Variants in FGF12 observed in about 807,000 individuals in gnomAD.
FGF12 encodes fibroblast growth factor 12, also known as fibroblast growth factor 12B.
FGF12 carries 14 observed loss-of-function variants against 23.6 expected under a neutral mutation model. That is an observed-to-expected ratio of 0.59 (90% CI 0.39 to 0.93). The LOEUF (loss-of-function observed/expected upper bound fraction) is 0.93, where lower values mean the gene tolerates loss of function less well. Ranked by LOEUF, FGF12 falls within the 40% of genes least tolerant of loss-of-function variation. The pLI is 0.00. For missense variants in FGF12, 175 were observed against 217.8 expected (o/e 0.80, Z 1.24); for synonymous variants, 62 against 77.3 (o/e 0.80, Z 1.04).
At chr3:192,173,277 G>A (rs999740339) in intron 4 of FGF12, among the ~76,000 whole-genome samples, 3 of 150,602 alleles carry the variant, frequency 2.0e-5, no homozygotes, top group Admixed American at 6.7e-5. Context: ...TGTAAATTAC[G>A]TGGCATTCAA....
At chr3:192,474,957 C>T (rs11928783) in intron 2 of FGF12, among the ~76,000 whole-genome samples, 2,467 of 151,244 alleles carry the variant, frequency 0.016, 55 homozygotes, top group African/African-American at 0.055. Flanking sequence ...GGAGAATTAA[C>T]AGAATGTTCT....
intron 4 of FGF12, among the ~76,000 whole-genome samples, chr3:192,318,334 T>C (rs900927843): frequency 2.0e-5 from 3 of 151,988 alleles, no homozygotes; most frequent in South Asian, 2.1e-4. Flanking sequence ...AAATTCAAGA[T>C]AACACAGAGA....
chr3:192,428,182 A>C (rs1290179671), intron 2 of FGF12, among the ~76,000 whole-genome samples: 1 of 152,186 alleles, frequency 6.6e-6, no homozygotes, highest in African/African-American at 2.4e-5. Flanking sequence ...TTGCCAAAGG[A>C]AAGGCAGCTT....
chr3:192,378,084 T>TTCTG (rs1719639741), intron 2 of FGF12, among the ~76,000 whole-genome samples: 4 of 114,368 alleles, frequency 3.5e-5, no homozygotes, highest in African/African-American at 1.7e-4. Flanking sequence ...CTTTCTTTCT[T>TTCTG]TCTTTCTTTC....
At chr3:192,369,606 T>G (rs1222780422) in intron 2 of FGF12, among the ~76,000 whole-genome samples, 1 of 152,076 alleles carries the variant, frequency 6.6e-6, no homozygotes, top group Non-Finnish European at 1.5e-5. Flanking sequence ...AGGGACAAGG[T>G]TTTTGTACTG....
intron 2 of FGF12, among the ~76,000 whole-genome samples, chr3:192,584,586 A>T (rs562379674): frequency 6.6e-6 from 1 of 152,238 alleles, no homozygotes; most frequent in East Asian, 1.9e-4. Flanking sequence ...GTTGCATACC[A>T]GAATGTCAGC....
intron 2 of FGF12, among the ~76,000 whole-genome samples, chr3:192,639,267 A>G (rs1560177765): frequency 6.7e-6 from 1 of 149,680 alleles, no homozygotes; most frequent in South Asian, 2.1e-4. Flanking sequence ...CCTCACACCT[A>G]TGAGGATGGC....
chr3:192,584,615 T>G (rs545943994), intron 2 of FGF12, among the ~76,000 whole-genome samples: 132 of 152,260 alleles, frequency 8.7e-4, no homozygotes, highest in African/African-American at 3.0e-3. Context: ...CTATATTTAT[T>G]TATCCTTCAT....
chr3:192,522,033 C>T (rs372083333), intron 2 of FGF12, among the ~76,000 whole-genome samples: 12 of 150,914 alleles, frequency 8.0e-5, no homozygotes, highest in African/African-American at 3.0e-4. Context: ...CCCATCTCTA[C>T]TAAAAATAGT....
chr3:192,691,694 G>A (rs1717947883), intron 2 of FGF12, among the ~76,000 whole-genome samples: 1 of 151,764 alleles, frequency 6.6e-6, no homozygotes, highest in Non-Finnish European at 1.5e-5. Context: ...GCTCACAGCA[G>A]AAATAAATCA....
chr3:192,553,089 A>G (rs983656740), intron 2 of FGF12, among the ~76,000 whole-genome samples: 2 of 152,178 alleles, frequency 1.3e-5, no homozygotes, highest in Non-Finnish European at 2.9e-5. Context: ...TCACCAGTAA[A>G]AATACGCTAT....
chr3:192,463,074 T>C (rs1722908689), intron 2 of FGF12, among the ~76,000 whole-genome samples: 1 of 152,084 alleles, frequency 6.6e-6, no homozygotes, highest in African/African-American at 2.4e-5. Flanking sequence ...TCAAAGGCAT[T>C]AGAAAGGAAC....
At chr3:192,683,635 A>AT (rs1056327657) in intron 2 of FGF12, among the ~76,000 whole-genome samples, 5 of 151,890 alleles carry the variant, frequency 3.3e-5, no homozygotes, top group Non-Finnish European at 7.4e-5. Flanking sequence ...TTAAAAAAAA[A>AT]TTTTTTTCTA....
At chr3:192,500,882 C>T (rs1045828662) in intron 2 of FGF12, among the ~76,000 whole-genome samples, 3 of 152,246 alleles carry the variant, frequency 2.0e-5, no homozygotes, top group Non-Finnish European at 4.4e-5. Flanking sequence ...TAAAGAACAA[C>T]TCTGAAGGTT....
rs1553810113 is a variant in FGF12, at chr3:192,415,732, T to TCATA, written c.14-55195_14-55194insTATG. ...CTGATACTTCTCTTCTCTCTCTCTC[T>TCATA]CACACACACACACACACACACACAC... On this transcript the variant is annotated intron_variant, in intron 2 of 5. Transcript: ENST00000445105. Among the ~76,000 whole-genome samples the TCATA allele has an allele frequency of 3.0e-4, 35 of 118,052 alleles. No homozygotes were observed. In the East Asian group the frequency reaches 8.0e-3, roughly 27 times the overall value. The allele number at this position is 118,052 out of a possible 152,430, so 77.4% of individuals were successfully genotyped here.
intron 2 of FGF12, among the ~76,000 whole-genome samples, chr3:192,684,876 T>C (rs954462505): frequency 7.9e-5 from 12 of 152,144 alleles, no homozygotes; most frequent in African/African-American, 2.4e-4. Flanking sequence ...CCAGGGCAGA[T>C]AGTAATAAAC....
chr3:192,398,526 G>A (rs550672786), intron 2 of FGF12, among the ~76,000 whole-genome samples: 6 of 152,020 alleles, frequency 3.9e-5, no homozygotes, highest in South Asian at 2.1e-4. Context: ...TGGGATTACA[G>A]GCATGCACCA....
At chr3:192,669,779 T>C (rs1717041908) in intron 2 of FGF12, among the ~76,000 whole-genome samples, 1 of 152,100 alleles carries the variant, frequency 6.6e-6, no homozygotes, top group South Asian at 2.1e-4. Context: ...AGAGGCTCCA[T>C]GACAGATGAT....
intron 2 of FGF12, among the ~76,000 whole-genome samples, chr3:192,464,293 A>G (rs1298611034): frequency 7.2e-6 from 1 of 138,158 alleles, no homozygotes; most frequent in African/African-American, 2.6e-5. Flanking sequence ...CCCCCCTCCC[A>G]CCCTTCCCCT....
Sources: allele counts gnomAD v4.1 joint callset (sites outside exome capture counted in the v4.1 genomes callset), GRCh38; gene constraint gnomAD v4.1.1; transcripts MANE v1.5; gene names NCBI Gene and HGNC (gene_info 2026-07-23, HGNC 2026-07-21).